ADK: variants seen among roughly 807,000 people sequenced by gnomAD.
ADK encodes the protein N6,N6-dimethyladenosine kinase.
Under a neutral mutation model 44.7 loss-of-function variants are expected in ADK, and 24 were observed. The ratio of observed to expected loss-of-function variants is 0.54; its 90% CI spans 0.39 to 0.76. ADK has a LOEUF of 0.76. Among genes scored for constraint, ADK ranks in the 30% least tolerant of loss-of-function variants. The probability of loss-of-function intolerance (pLI) is 0.00; values close to 1 mark genes in which losing one functional copy is unlikely to be tolerated. For missense variants in ADK, 321 were observed against 425.1 expected (o/e 0.76, Z 2.15); for synonymous variants, 128 against 142.6 (o/e 0.90, Z 0.73).
chr10:74,293,424 C>T (rs1272663032), intron 3 of ADK, among the ~76,000 whole-genome samples: 1 of 152,068 alleles, frequency 6.6e-6, no homozygotes, highest in African/African-American at 2.4e-5. Flanking sequence ...ATTTACGATG[C>T]TTCTCAGAGG....
intron 3 of ADK, among the ~76,000 whole-genome samples, chr10:74,289,401 C>T (rs1219020796): frequency 6.6e-6 from 1 of 152,022 alleles, no homozygotes; most frequent in Non-Finnish European, 1.5e-5. Context: ...AGGTACTCTG[C>T]TGAATTGGGC....
chr10:74,535,926 A>G (rs968582911), intron 7 of ADK, among the ~76,000 whole-genome samples: 2 of 152,094 alleles, frequency 1.3e-5, no homozygotes, highest in Non-Finnish European at 2.9e-5. Flanking sequence ...GTATCTTTAT[A>G]TATTAAAATA....
rs1002147806 is a variant in ADK at position 74,683,584 on chromosome 10, C to G, written c.964+13315C>G. 2.6e-5 allele frequency among the ~76,000 whole-genome samples: 4 copies of G among 152,074 alleles called. No individual in the cohort carries two copies. The East Asian group carries it at 5.8e-4, about 22-fold the overall frequency. ...AGTCAGTGTAGACCAAAATATGTCT[C>G]TAAATATGAGGGAAATAAAGAATCT... is the stretch of plus-strand genomic sequence containing the variant. On this transcript the variant is annotated intron_variant, in intron 10 of 10. Transcript: ENST00000539909.
intron 4 of ADK, among the ~76,000 whole-genome samples, chr10:74,360,532 T>C (rs925796391): frequency 1.3e-5 from 2 of 152,224 alleles, no homozygotes; most frequent in South Asian, 2.1e-4. Flanking sequence ...CTTGCTCTTA[T>C]GTATTCACAC....
At chr10:74,349,760 T>C (rs1412779243) in intron 4 of ADK, among the ~76,000 whole-genome samples, 1 of 149,806 alleles carries the variant, frequency 6.7e-6, no homozygotes, top group Non-Finnish European at 1.5e-5. Flanking sequence ...AAGCAGGGGT[T>C]GCACTTCTAG....
At chr10:74,365,896 C>T (rs1842484322) in intron 4 of ADK, among the ~76,000 whole-genome samples, 1 of 152,138 alleles carries the variant, frequency 6.6e-6, no homozygotes, top group Non-Finnish European at 1.5e-5. Flanking sequence ...GTTTTAAATA[C>T]TATTAATATC....
intron 2 of ADK, among the ~76,000 whole-genome samples, chr10:74,221,033 G>C (rs1844285196): frequency 6.9e-6 from 1 of 145,528 alleles, no homozygotes; most frequent in Admixed American, 6.8e-5. Flanking sequence ...AATCAGGCAG[G>C]AGAAGGAAAT....
intron 6 of ADK, among the ~76,000 whole-genome samples, chr10:74,417,750 T>TAA (rs796958998): frequency 7.1e-6 from 1 of 141,792 alleles, no homozygotes; most frequent in African/African-American, 2.6e-5. Flanking sequence ...AAATCTACTT[T>TAA]AAAAAAAAAA....
intron 9 of ADK, among the ~76,000 whole-genome samples, chr10:74,653,455 A>C (rs1032286559): frequency 6.6e-6 from 1 of 152,112 alleles, no homozygotes; most frequent in Non-Finnish European, 1.5e-5. Flanking sequence ...CCATCTCAAA[A>C]ATAATAATAA....
intron 3 of ADK, among the ~76,000 whole-genome samples, chr10:74,240,230 G>A (rs907164798): frequency 6.6e-5 from 10 of 152,102 alleles, no homozygotes; most frequent in Non-Finnish European, 1.3e-4. Flanking sequence ...GTCCAGGCTG[G>A]TGCACAGCAT....
At chr10:74,189,814 A>G (rs1161526856) in intron 1 of ADK, among the ~76,000 whole-genome samples, 4 of 151,960 alleles carry the variant, frequency 2.6e-5, no homozygotes, top group Non-Finnish European at 4.4e-5. Context: ...AAATTTGCCT[A>G]TTCTGAACAT....
At chr10:74,616,301 A>G (rs1852757429) in intron 9 of ADK, among the ~76,000 whole-genome samples, 1 of 152,064 alleles carries the variant, frequency 6.6e-6, no homozygotes, top group Admixed American at 6.6e-5. Context: ...CAGATCTCAA[A>G]CTTGTGAAGA....
At chr10:74,657,794 C>G (rs1854542849) in intron 9 of ADK, among the ~76,000 whole-genome samples, 1 of 152,090 alleles carries the variant, frequency 6.6e-6, no homozygotes, top group South Asian at 2.1e-4. Context: ...GTTGAGAAGA[C>G]ATTTGTAAAG....
rs1842357378 is a variant in ADK, at chr10:74,176,808, T to G, written c.66-23956T>G. 12 of 1,600,526 alleles carry G rather than the reference T, an allele frequency of 7.5e-6. No individual in the cohort carries two copies. In the South Asian group the frequency reaches 1.3e-4, roughly 18 times the overall value. ...GGGAAGCAGTTGCTGTGGTACCTGC[T>G]GCTGCCCGAGCGGACGTAGAGCATC... On this transcript the variant is annotated intron_variant, in intron 1 of 10. Transcript: ENST00000539909.
intron 3 of ADK, among the ~76,000 whole-genome samples, chr10:74,227,862 T>A (rs1235740748): frequency 6.6e-6 from 1 of 151,430 alleles, no homozygotes; most frequent in African/African-American, 2.4e-5. Context: ...AAAAAAAAAT[T>A]AGCCTGATGA....
Position 74,670,185 on chromosome 10 carries a change from A to G in ADK, c.880A>G (p.Ser294Gly), listed in dbSNP as rs749402134. The G allele has an allele frequency of 6.2e-7, 1 of 1,613,702 alleles. No homozygotes were observed. Among genetic ancestry groups the G allele is most frequent in the Non-Finnish European group, 8.5e-7 (1 of 1,179,704 alleles). ...GRDDTIMATESEVTAFAVLDQ... is the reference protein window; with the variant it reads ...GRDDTIMATEGEVTAFAVLDQ... ...CCTTTCTTTGGCTCTAATTGCAGAA[A>G]GTGAAGTCACTGCTTTTGCTGTCTT... The change falls in exon 10 of 11, where the codon AGT (serine) becomes GGT (glycine). Residue 294 changes from serine (S) to glycine (G), a missense_variant and splice_region_variant. Ser to Gly is a moderately conservative substitution (Grantham distance 56). Transcript: ENST00000539909.
At chr10:74,243,474 T>C (rs149725062) in intron 3 of ADK, among the ~76,000 whole-genome samples, 2 of 152,398 alleles carry the variant, frequency 1.3e-5, no homozygotes, top group African/African-American at 4.8e-5. Flanking sequence ...ATAGGTATTA[T>C]GTGTCTGTTT....
intron 9 of ADK, among the ~76,000 whole-genome samples, chr10:74,614,713 C>T (rs1363037628): frequency 1.3e-5 from 2 of 151,178 alleles, no homozygotes; most frequent in East Asian, 1.9e-4. Context: ...TAAGATCCCC[C>T]GGGCTCACGT....
chr10:74,693,227 C>CTAAACTAATGTA (rs1856055331), intron 10 of ADK, among the ~76,000 whole-genome samples: 1 of 152,158 alleles, frequency 6.6e-6, no homozygotes, highest in Non-Finnish European at 1.5e-5. Context: ...ACAGGTTAAT[C>CTAAACTAATGTA]ATAGGTGGAA....
Sources: gnomAD v4.1 joint callset for allele counts (sites outside exome capture counted in the v4.1 genomes callset) on GRCh38, gnomAD v4.1.1 for gene constraint, MANE v1.5 for transcripts, NCBI Gene and HGNC (gene_info 2026-07-23, HGNC 2026-07-21) for gene names.